Variants in DMD observed in about 807,000 individuals in gnomAD.
The protein encoded by DMD is mutant dystrophin.
Under a neutral mutation model 330.1 loss-of-function variants are expected in DMD, and 63 were observed. The ratio of observed to expected loss-of-function variants is 0.19; its 90% CI spans 0.16 to 0.24. The LOEUF is 0.24. Among genes scored for constraint, DMD ranks in the 10% least tolerant of loss-of-function variants. DMD has a pLI of 1.00. For synonymous variants in DMD, 1,223 were observed against 959.8 expected (o/e 1.27, Z -5.07); for missense variants, 3,344 against 2,684.1 (o/e 1.25, Z -5.43).
intron 59 of DMD, among the ~76,000 whole-genome samples, chrX:31,457,959 A>C (rs142006957): frequency 1.8e-5 from 2 of 112,132 alleles, no homozygotes; most frequent in East Asian, 5.5e-4. Context: ...ATCCAATTTT[A>C]CTTTCAGATT....
chrX:31,739,210 C>G (rs1402474857), intron 51 of DMD, among the ~76,000 whole-genome samples: 1 of 111,033 alleles, frequency 9.0e-6, no homozygotes, highest in South Asian at 3.8e-4. Flanking sequence ...AATATATACA[C>G]CTGCTAGGTA....
chrX:31,425,695 TAC>T (rs58343053), intron 60 of DMD, among the ~76,000 whole-genome samples: 2 of 103,439 alleles, frequency 1.9e-5, no homozygotes, highest in Non-Finnish European at 1.9e-5. Flanking sequence ...CAGGCATGAG[TAC>T]ACACACACAC....
In DMD at chrX:33,211,470, G is replaced by A; in HGVS notation, c.-158C>T. ...TTTTTCCTATTCGTTTTTCTCCGAA[G>A]GTAATTGCCTCCCAGATCTGAGTCC... is the stretch of plus-strand genomic sequence containing the variant. On this transcript the variant is annotated 5_prime_UTR_variant, in exon 1 of 79. Coordinates refer to ENST00000357033, the MANE Select transcript of DMD (RefSeq NM_004006.3). 1 of 1,127,724 alleles carries A rather than the reference G, an allele frequency of 8.9e-7. No homozygotes were observed. Among genetic ancestry groups the A allele is most frequent in the Non-Finnish European group, 1.2e-6 (1 of 852,877 alleles). The allele number at this position is 1,127,724 out of a possible 1,213,427, so 92.9% of individuals were successfully genotyped here.
intron 4 of DMD, among the ~76,000 whole-genome samples, chrX:32,825,087 C>G (rs1160724899): frequency 1.8e-5 from 2 of 111,793 alleles, no homozygotes; most frequent in Non-Finnish European, 3.8e-5. Context: ...AAACCTTCTG[C>G]TTTCATGAAA....
At chrX:32,120,384 T>C (rs1263069161) in intron 44 of DMD, among the ~76,000 whole-genome samples, 1 of 111,895 alleles carries the variant, frequency 8.9e-6, no homozygotes, top group Admixed American at 9.5e-5. Context: ...ATCTGTGGTA[T>C]AGCAAACCCT....
In DMD at chrX:32,916,116, T is replaced by C. The variant is rs751087648; in HGVS notation, c.94-66296A>G. ...GCCTATTTTAGAGTACCATATGAAA[T>C]GAAATAAAATATTATTATGAAGAAA... On this transcript the variant is annotated intron_variant, in intron 2 of 78. Transcript: ENST00000357033. Among the ~76,000 whole-genome samples the C allele has an allele frequency of 9.9e-5, 11 of 111,571 alleles. No individual in the cohort carries two copies. The South Asian group carries it at 3.7e-3, about 38-fold the overall frequency.
chrX:32,295,010 A>G (rs1372003253), intron 42 of DMD, among the ~76,000 whole-genome samples: 1 of 111,459 alleles, frequency 9.0e-6, no homozygotes, highest in Non-Finnish European at 1.9e-5. Context: ...CTCTCCCTGA[A>G]TAGTTCCTTA....
chrX:33,000,376 T>C (rs2093249120), intron 2 of DMD, among the ~76,000 whole-genome samples: 1 of 112,381 alleles, frequency 8.9e-6, no homozygotes, highest in African/African-American at 3.2e-5. Context: ...TTTTAGATAA[T>C]ATCCTGTCAC....
At chrX:33,237,195 CCCTCCCTT>C (rs1267680259) in intron 1 of DMD, among the ~76,000 whole-genome samples, 2 of 76,658 alleles carry the variant, frequency 2.6e-5, no homozygotes, top group African/African-American at 9.6e-5. Context: ...CTCCCTCCTT[CCCTCCCTT>C]CCTCCCTTCC....
chrX:32,851,729 C>G (rs936955108), intron 2 of DMD, among the ~76,000 whole-genome samples: 1 of 112,285 alleles, frequency 8.9e-6, no homozygotes, highest in Non-Finnish European at 1.9e-5. Flanking sequence ...CTCATGTAGA[C>G]GATCTGTGTG....
intron 60 of DMD, among the ~76,000 whole-genome samples, chrX:31,370,121 A>T (rs1234793512): frequency 9.3e-6 from 1 of 107,275 alleles, no homozygotes; most frequent in Non-Finnish European, 1.9e-5. Flanking sequence ...AAAAAAGAAC[A>T]GGAGAAAATC....
chrX:32,178,977 TC>T (rs2096917479), intron 44 of DMD, among the ~76,000 whole-genome samples: 1 of 104,439 alleles, frequency 9.6e-6, no homozygotes, highest in Non-Finnish European at 2.0e-5. Context: ...TCTCTCTCTC[TC>T]TCTCCCTCTC....
At chrX:32,272,338 C>A (rs1043064936) in intron 43 of DMD, among the ~76,000 whole-genome samples, 4 of 112,128 alleles carry the variant, frequency 3.6e-5, no homozygotes, top group African/African-American at 1.3e-4. Flanking sequence ...AAATCCTTTA[C>A]CACTTGGCTT....
chrX:31,415,478 C>G (rs1271601741), intron 60 of DMD, among the ~76,000 whole-genome samples: 1 of 111,755 alleles, frequency 8.9e-6, no homozygotes, highest in Non-Finnish European at 1.9e-5. Context: ...ACTATGGAGT[C>G]CAGAGGTAGG....
intron 1 of DMD, among the ~76,000 whole-genome samples, chrX:33,109,993 T>TA (rs1272473355): frequency 9.0e-6 from 1 of 111,700 alleles, no homozygotes; most frequent in Non-Finnish European, 1.9e-5. Context: ...TTTGTTTGTT[T>TA]ACATTGCCAC....
At chrX:33,194,951 C>A (rs1377104353) in intron 1 of DMD, among the ~76,000 whole-genome samples, 2 of 111,786 alleles carry the variant, frequency 1.8e-5, no homozygotes, top group Non-Finnish European at 3.8e-5. Context: ...GGTTGTTAGA[C>A]TGGCTCTGTA....
intron 47 of DMD, among the ~76,000 whole-genome samples, chrX:31,905,516 A>C (rs16998238): frequency 0.074 from 8,217 of 110,738 alleles, 282 homozygotes; most frequent in African/African-American, 0.13. Flanking sequence ...CAAAATGGAG[A>C]ATTTCCTACC....
chrX:33,076,265 T>C (rs895735686), intron 1 of DMD, among the ~76,000 whole-genome samples: 1 of 111,617 alleles, frequency 9.0e-6, no homozygotes, highest in Non-Finnish European at 1.9e-5. Context: ...GGTCCCCAAA[T>C]GCTCAGGGAG....
intron 25 of DMD, among the ~76,000 whole-genome samples, chrX:32,458,792 T>C (rs985907149): frequency 8.9e-6 from 1 of 111,874 alleles, no homozygotes; most frequent in African/African-American, 3.2e-5. Flanking sequence ...CTACGTATTC[T>C]TTAGAGAAAT....
Sources: gnomAD v4.1 joint callset for allele counts (sites outside exome capture counted in the v4.1 genomes callset) on GRCh38, gnomAD v4.1.1 for gene constraint, MANE v1.5 for transcripts, NCBI Gene and HGNC (gene_info 2026-07-23, HGNC 2026-07-21) for gene names.